The following SVOP variants were observed in gnomAD, a reference collection of about 807,000 sequenced individuals.
SVOP encodes SV2 related protein.
SVOP carries 17 observed loss-of-function variants against 69.1 expected under a neutral mutation model. The ratio of observed to expected loss-of-function variants is 0.25; its 90% CI spans 0.17 to 0.37. The LOEUF (loss-of-function observed/expected upper bound fraction) is 0.37. Ranked by LOEUF, SVOP falls within the 10% of genes least tolerant of loss-of-function variation. SVOP has a pLI of 1.00. For synonymous variants in SVOP, 238 were observed against 238.6 expected, an observed-to-expected ratio of 1.00 and a Z score of 0.02; for missense variants, 435 against 597.5, an observed-to-expected ratio of 0.73 and a Z score of 2.84.
chr12:108,977,726 T>G (rs571398695), intron 3 of SVOP, among the ~76,000 whole-genome samples: 1 of 152,338 alleles, frequency 6.6e-6, no homozygotes, highest in South Asian at 2.1e-4. Context: ...TGTGGTTTTT[T>G]TGTGTGTGTT....
At chr12:108,957,218 C>A (rs2039990346) in intron 6 of SVOP, among the ~76,000 whole-genome samples, 1 of 152,178 alleles carries the variant, frequency 6.6e-6, no homozygotes. Context: ...GGCTGGATAG[C>A]AGTGGCGCGC....
chr12:108,982,238 T>C lies in SVOP; in HGVS notation c.196+1363A>G, dbSNP rs940727806. ...TCATCTTCATCACCATAATCATCACTATCACCATCATTATCACCACAATCA... is the reference window on the plus strand; with the variant it reads ...TCATCTTCATCACCATAATCATCACCATCACCATCATTATCACCACAATCA... On this transcript the variant is annotated intron_variant, in intron 2 of 15. Transcript: ENST00000610966. 6.3e-3 allele frequency among the ~76,000 whole-genome samples: 927 copies of C among 147,566 alleles called. 11 individuals are homozygous for C. Among genetic ancestry groups the C allele is most frequent in the African/African-American group, 0.022 (884 of 39,708 alleles).
chr12:108,930,435 CTTT>C (rs35584030), intron 11 of SVOP, among the ~76,000 whole-genome samples: 64,016 of 117,612 alleles, frequency 0.54, 17,641 homozygotes, highest in East Asian at 0.71. Flanking sequence ...CAGTTGATTG[CTTT>C]TTTTTTTTTT....
At chr12:108,925,287 C>G (rs1332088815) in intron 11 of SVOP, among the ~76,000 whole-genome samples, 2 of 152,174 alleles carry the variant, frequency 1.3e-5, no homozygotes, top group Non-Finnish European at 2.9e-5. Flanking sequence ...CTTTCTCCTA[C>G]TGCAAACTTC....
At chr12:108,973,530 T>C (rs1053143139) in intron 4 of SVOP, among the ~76,000 whole-genome samples, 1 of 152,094 alleles carries the variant, frequency 6.6e-6, no homozygotes, top group African/African-American at 2.4e-5. Flanking sequence ...TAGGGGAGAC[T>C]ACAGGTGTGC....
chr12:108,934,386 C>T, intron 10 of SVOP, 115 bp from the exon 11 acceptor site: 1 of 826,286 alleles, frequency 1.2e-6, no homozygotes, highest in African/African-American at 1.7e-5. Context: ...CTTTGGGCTT[C>T]ACTGGGATTT....
chr12:108,937,448 G>T, intron 9 of SVOP, 111 bp from the exon 10 acceptor site: 1 of 1,022,712 alleles, frequency 9.8e-7, no homozygotes, highest in Non-Finnish European at 1.5e-6. Context: ...TTTCTAGTAA[G>T]TAGGACACTG....
chr12:108,913,149 G>A (rs187274164), intron 15 of SVOP, among the ~76,000 whole-genome samples: 58 of 152,010 alleles, frequency 3.8e-4, no homozygotes, highest in African/African-American at 1.1e-3. Context: ...TTGGCTCACC[G>A]CAACCTCCGC....
At chr12:108,941,797 G>A (rs370965097) in intron 7 of SVOP, among the ~76,000 whole-genome samples, 101 of 151,196 alleles carry the variant, frequency 6.7e-4, no homozygotes, top group Middle Eastern at 3.4e-3. Context: ...GAGTAGCTGG[G>A]ATTACAGGCG....
At chr12:109,013,339 C>CT (rs1468500856) in intron 1 of SVOP, among the ~76,000 whole-genome samples, 4 of 151,486 alleles carry the variant, frequency 2.6e-5, no homozygotes, top group Admixed American at 6.6e-5. Flanking sequence ...AAGGCTGCAG[C>CT]TTTTTTTCCA....
chr12:108,957,082 C>T (rs1316538412), intron 6 of SVOP, among the ~76,000 whole-genome samples: 2 of 152,116 alleles, frequency 1.3e-5, no homozygotes, highest in African/African-American at 4.8e-5. Context: ...TACTTCACAT[C>T]CTGCAACTTC....
intron 1 of SVOP, among the ~76,000 whole-genome samples, chr12:108,986,437 T>C (rs1192705022): frequency 6.6e-6 from 1 of 152,206 alleles, no homozygotes. Flanking sequence ...TTTGAGATAT[T>C]TCAAGCATAT....
chr12:108,957,719 C>A (rs1282388231), intron 6 of SVOP, among the ~76,000 whole-genome samples: 1 of 152,242 alleles, frequency 6.6e-6, no homozygotes, highest in East Asian at 1.9e-4. Flanking sequence ...CTAAAAGAGG[C>A]ATGGCGACCA....
At position 108,995,989 on chromosome 12, in the gene SVOP, C is replaced by CACAT. The variant is rs747679213; in HGVS notation, c.36-12232_36-12229dup. 2.5e-3 allele frequency among the ~76,000 whole-genome samples: 387 copies of CACAT among 151,828 alleles called. 2 individuals are homozygous for CACAT. The highest frequency in any genetic ancestry group is 7.8e-3 in the African/African-American group (324 of 41,400). ...ACACACACACATACATACATACACA[C>CACAT]ACATACATACATACATACATACACA... On this transcript the variant is annotated intron_variant, in intron 1 of 15. Coordinates refer to ENST00000610966, the MANE Select transcript of SVOP (RefSeq NM_018711.5).
intron 14 of SVOP, among the ~76,000 whole-genome samples, chr12:108,916,233 C>T (rs7975705): frequency 0.35 from 53,915 of 152,154 alleles, 10,209 homozygotes; most frequent in South Asian, 0.58. Context: ...TTTCAAGGGA[C>T]TTCATAAAGA....
intron 3 of SVOP, 96 bp downstream of exon 3, chr12:108,978,482 C>A: frequency 1.6e-6 from 1 of 617,362 alleles, no homozygotes; most frequent in South Asian, 1.9e-5. Flanking sequence ...GCTCCATGTG[C>A]AAAGAACTGT....
At chr12:108,988,180 C>T (rs938853918) in intron 1 of SVOP, among the ~76,000 whole-genome samples, 3 of 152,116 alleles carry the variant, frequency 2.0e-5, no homozygotes, top group Admixed American at 6.6e-5. Flanking sequence ...CCACCTTGGC[C>T]TCCCAAAGTG....
At chr12:108,932,777 C>T (rs1370977983) in intron 11 of SVOP, among the ~76,000 whole-genome samples, 1 of 152,136 alleles carries the variant, frequency 6.6e-6, no homozygotes, top group Non-Finnish European at 1.5e-5. Context: ...ACAGACTCTT[C>T]GTGGCAATCA....
In SVOP at chr12:108,938,854, C is replaced by T. The variant is rs140502266; in HGVS notation, c.870G>A (p.Pro290=). Residue 290 remains proline, a synonymous_variant, in exon 9 of 16, where the codon CCG becomes CCA. Coordinates refer to ENST00000610966, the MANE Select transcript of SVOP (RefSeq NM_018711.5). ...GTCTGGAGATGATGAGTTTCCCCAG[C>T]GGCATGGGAGCTCCGTTTTCAGTTG... ...RIATENGAPM[P]LGKLIISRQE... is the part of the protein sequence containing the mutation. 4.6e-5 allele frequency: 75 copies of T among 1,614,008 alleles called. No homozygotes were observed. Among genetic ancestry groups the T allele is most frequent in the Admixed American group, 2.2e-4 (13 of 60,014 alleles).
Sources: allele counts gnomAD v4.1 joint callset (sites outside exome capture counted in the v4.1 genomes callset), GRCh38; gene constraint gnomAD v4.1.1; transcripts MANE v1.5; gene names NCBI Gene and HGNC (gene_info 2026-07-23, HGNC 2026-07-21).